IPMK: variants seen among roughly 807,000 people sequenced by gnomAD.
IPMK encodes inositol polyphosphate multikinase.
IPMK carries 17 observed loss-of-function variants against 45.8 expected under a neutral mutation model. The observed-to-expected ratio is 0.37, with a 90% CI of 0.25 to 0.56. IPMK has a LOEUF of 0.56. Among genes scored for constraint, IPMK ranks in the 20% least tolerant of loss-of-function variants. The pLI is 0.79. For synonymous variants in IPMK, 180 were observed against 184.3 expected, an observed-to-expected ratio of 0.98 and a Z score of 0.19; for missense variants, 399 against 498.0, an observed-to-expected ratio of 0.80 and a Z score of 1.89.
At chr10:58,255,362 C>CG (rs1838949445) in intron 1 of IPMK, among the ~76,000 whole-genome samples, 1 of 152,216 alleles carries the variant, frequency 6.6e-6, no homozygotes, top group Admixed American at 6.5e-5. Context: ...CAATTCTCTC[C>CG]TCTCACCTCA....
chr10:58,196,881 G>A (rs1769041), intron 5 of IPMK, among the ~76,000 whole-genome samples, 183 bp from the exon 6 acceptor site: 51,448 of 151,938 alleles, frequency 0.34, 10,956 homozygotes, highest in African/African-American at 0.61. Context: ...TTGATTTTTG[G>A]TGAAGATGCT....
At chr10:58,219,085 T>A (rs1244906474) in intron 3 of IPMK, among the ~76,000 whole-genome samples, 1 of 152,242 alleles carries the variant, frequency 6.6e-6, no homozygotes, top group Non-Finnish European at 1.5e-5. Context: ...ATGTTTCATA[T>A]GGTTGGAATT....
At chr10:58,262,911 G>A (rs1449883343) in intron 1 of IPMK, among the ~76,000 whole-genome samples, 1 of 140,916 alleles carries the variant, frequency 7.1e-6, no homozygotes, top group Non-Finnish European at 1.5e-5. Flanking sequence ...TGTTAAAGCA[G>A]AGGGAGTGAA....
At chr10:58,256,526 C>T (rs1838970277) in intron 1 of IPMK, among the ~76,000 whole-genome samples, 1 of 152,166 alleles carries the variant, frequency 6.6e-6, no homozygotes, top group Non-Finnish European at 1.5e-5. Context: ...TAATTTCGCC[C>T]TGGCCTTGTG....
At chr10:58,211,522 G>A (rs1341434591) in intron 4 of IPMK, among the ~76,000 whole-genome samples, 1 of 151,896 alleles carries the variant, frequency 6.6e-6, no homozygotes, top group Non-Finnish European at 1.5e-5. Flanking sequence ...TGTAAAACTG[G>A]TTACATGGTG....
chr10:58,236,241 T>TAAA (rs760093516), intron 2 of IPMK, among the ~76,000 whole-genome samples: 14 of 152,128 alleles, frequency 9.2e-5, no homozygotes, highest in Non-Finnish European at 1.8e-4. Context: ...AACAAAACTC[T>TAAA]TATCTGATGC....
At chr10:58,224,787 A>T (rs1307362490) in intron 3 of IPMK, among the ~76,000 whole-genome samples, 2 of 152,198 alleles carry the variant, frequency 1.3e-5, no homozygotes, top group African/African-American at 4.8e-5. Context: ...AAATAATGTC[A>T]TTAGTTTTAG....
rs1234167944 is a variant in IPMK, at chr10:58,192,707, G to C, written c.*3369C>G. 1 of 151,926 alleles carries C rather than the reference G, an allele frequency of 6.6e-6. No individual in the cohort carries two copies. Among genetic ancestry groups the C allele is most frequent in the Non-Finnish European group, 1.5e-5 (1 of 67,888 alleles). The allele number at this position is 151,926 out of a possible 1,614,324, so 9.4% of individuals were successfully genotyped here. ...TGGCATAAATCCAAGGAATATTTTT[G>C]AATGAACTAAGAAGCCTGGCCTCCA... On this transcript the variant is annotated 3_prime_UTR_variant, in exon 6 of 6. Coordinates refer to ENST00000373935, the MANE Select transcript of IPMK (RefSeq NM_152230.5).
At chr10:58,251,765 T>C (rs1350085619) in intron 1 of IPMK, among the ~76,000 whole-genome samples, 1 of 152,240 alleles carries the variant, frequency 6.6e-6, no homozygotes, top group Non-Finnish European at 1.5e-5. Flanking sequence ...GTAACACTGT[T>C]GACAGTTTAT....
At chr10:58,216,103 T>G in intron 4 of IPMK, 42 bp downstream of exon 4, 2 of 1,261,172 alleles carry the variant, frequency 1.6e-6, no homozygotes, top group Non-Finnish European at 2.1e-6. Flanking sequence ...GGGAAGAACA[T>G]GTACAGAGAA....
chr10:58,259,090 G>A (rs1379202874), intron 1 of IPMK, among the ~76,000 whole-genome samples: 2 of 152,138 alleles, frequency 1.3e-5, no homozygotes, highest in Non-Finnish European at 2.9e-5. Context: ...TAACTCAAAT[G>A]TTTAATAATA....
intron 1 of IPMK, among the ~76,000 whole-genome samples, chr10:58,258,612 CTAAT>C (rs1839009850): frequency 6.6e-6 from 1 of 152,046 alleles, no homozygotes; most frequent in African/African-American, 2.4e-5. Flanking sequence ...CAACACCCTC[CTAAT>C]TATTAATGGA....
Position 58,237,727 on chromosome 10 carries a change from A to G in IPMK, c.276+2T>C. The G allele has an allele frequency of 1.2e-6, 2 of 1,606,288 alleles. No homozygotes were observed. The highest frequency in any genetic ancestry group is 1.7e-6 in the Non-Finnish European group (2 of 1,173,974). ...CAACAAAACAAATCTTACCTCACTTACCATATTATAGAATTCCAGCTCTCT... is the reference window on the plus strand; with the variant it reads ...CAACAAAACAAATCTTACCTCACTTGCCATATTATAGAATTCCAGCTCTCT... On this transcript the variant is annotated splice_donor_variant, in intron 2 of 5. Coordinates refer to ENST00000373935, the MANE Select transcript of IPMK (RefSeq NM_152230.5). LOFTEE classifies it high-confidence loss of function.
intron 2 of IPMK, among the ~76,000 whole-genome samples, chr10:58,233,779 C>T (rs1838564105): frequency 6.6e-6 from 1 of 152,216 alleles, no homozygotes; most frequent in Non-Finnish European, 1.5e-5. Context: ...TGCCCTCTCT[C>T]ACCACTCAAT....
At chr10:58,216,996 G>A (rs1005304147) in intron 3 of IPMK, among the ~76,000 whole-genome samples, 4 of 152,074 alleles carry the variant, frequency 2.6e-5, no homozygotes, top group African/African-American at 4.8e-5. Context: ...GATGACAGGC[G>A]TGTACCACTG....
At chr10:58,203,747 A>C (rs1838030752) in intron 4 of IPMK, among the ~76,000 whole-genome samples, 1 of 152,278 alleles carries the variant, frequency 6.6e-6, no homozygotes, top group Admixed American at 6.5e-5. Flanking sequence ...TACTTGATAA[A>C]GCAGTGGCAG....
intron 2 of IPMK, among the ~76,000 whole-genome samples, chr10:58,230,744 T>C (rs548284474): frequency 6.6e-6 from 1 of 151,848 alleles, no homozygotes; most frequent in African/African-American, 2.4e-5. Flanking sequence ...AAGCAGAAAA[T>C]TCTAAAAATC....
intron 5 of IPMK, among the ~76,000 whole-genome samples, chr10:58,197,300 A>T (rs1588949469): frequency 1.2e-5 from 1 of 83,288 alleles, no homozygotes; most frequent in South Asian, 3.5e-4. Context: ...CTCCGTCTCA[A>T]AAATAAATAA....
At chr10:58,248,993 C>T (rs890414261) in intron 1 of IPMK, among the ~76,000 whole-genome samples, 18 of 152,324 alleles carry the variant, frequency 1.2e-4, no homozygotes, top group African/African-American at 3.4e-4. Flanking sequence ...CTACAATAAA[C>T]AGGTGAGTAC....
Sources: allele counts gnomAD v4.1 joint callset (sites outside exome capture counted in the v4.1 genomes callset), GRCh38; gene constraint gnomAD v4.1.1; transcripts MANE v1.5; gene names NCBI Gene and HGNC (gene_info 2026-07-23, HGNC 2026-07-21).